PRKN: variants seen among roughly 807,000 people sequenced by gnomAD.
PRKN encodes the protein E3 ubiquitin-protein ligase parkin.
Under a neutral mutation model 59.5 loss-of-function variants are expected in PRKN, and 56 were observed. That is an observed-to-expected ratio of 0.94 (90% CI 0.76 to 1.18). The LOEUF is 1.18. Ranked by LOEUF, PRKN falls within the 50% of genes most tolerant of loss-of-function variation. The probability of loss-of-function intolerance (pLI) is 0.00; values close to 1 mark genes in which losing one functional copy is unlikely to be tolerated. For missense variants in PRKN, 657 were observed against 596.4 expected (o/e 1.10, Z -1.06); for synonymous variants, 250 against 222.1 (o/e 1.13, Z -1.12).
In PRKN at chr6:162,203,759, T is replaced by C. The variant is rs182913109; in HGVS notation, c.413-2507A>G. Among the ~76,000 whole-genome samples the C allele has an allele frequency of 1.7e-3, 254 of 152,294 alleles. 1 individual carries two copies. Among genetic ancestry groups the C allele is most frequent in the African/African-American group, 5.7e-3 (238 of 41,550 alleles). On this transcript the variant is annotated intron_variant, in intron 3 of 11. Coordinates refer to ENST00000366898, the MANE Select transcript of PRKN (RefSeq NM_004562.3). The stretch of plus-strand genomic sequence containing the variant: ...AGTCAATAGCATGAATCTCACCCTT[T>C]CACTTGTTCTTGGACCTTAAAATCC...
Position 162,271,921 on chromosome 6 carries a change from T to G in PRKN, c.172-9156A>C, listed in dbSNP as rs144065418. Among the ~76,000 whole-genome samples the G allele has an allele frequency of 1.1e-3, 170 of 152,372 alleles. 1 individual carries two copies. Among genetic ancestry groups the G allele is most frequent in the African/African-American group, 3.8e-3 (160 of 41,592 alleles). On this transcript the variant is annotated intron_variant, in intron 2 of 11. Transcript: ENST00000366898. ...CATTATGATCAAAAATATTATGCTGTGTAAAGATACTGAAAGGCCCCTTCT... is the reference window on the plus strand; with the variant it reads ...CATTATGATCAAAAATATTATGCTGGGTAAAGATACTGAAAGGCCCCTTCT...
chr6:161,984,360 C>T (rs1052720438), intron 5 of PRKN, among the ~76,000 whole-genome samples: 1 of 152,152 alleles, frequency 6.6e-6, no homozygotes, highest in Non-Finnish European at 1.5e-5. Context: ...TGGGTTCAAG[C>T]AATTCTCCTG....
chr6:162,675,110 G>C (rs757174116), intron 1 of PRKN, among the ~76,000 whole-genome samples: 1 of 145,826 alleles, frequency 6.9e-6, no homozygotes, highest in Non-Finnish European at 1.5e-5. Flanking sequence ...GCAGTGGCGC[G>C]ATCTTGGCTC....
intron 9 of PRKN, among the ~76,000 whole-genome samples, chr6:161,505,243 T>A (rs897675919): frequency 1.1e-4 from 17 of 152,176 alleles, no homozygotes; most frequent in Admixed American, 9.2e-4. Flanking sequence ...GATATCTCAT[T>A]GTGGTTTTGA....
chr6:161,673,127 CCT>C (rs1213398398), intron 7 of PRKN, among the ~76,000 whole-genome samples: 1 of 152,130 alleles, frequency 6.6e-6, no homozygotes, highest in Non-Finnish European at 1.5e-5. Context: ...CCGGCACTCC[CCT>C]GAGGACTAGG....
At chr6:162,475,812 C>G (rs533894841) in intron 1 of PRKN, among the ~76,000 whole-genome samples, 1 of 152,234 alleles carries the variant, frequency 6.6e-6, no homozygotes, top group African/African-American at 2.4e-5. Flanking sequence ...ACTGCAGTGG[C>G]GCAATCTCAG....
chr6:162,459,723 A>G (rs1418949265), intron 1 of PRKN, among the ~76,000 whole-genome samples: 2 of 152,226 alleles, frequency 1.3e-5, no homozygotes, highest in East Asian at 3.8e-4. Context: ...AGATTAATGC[A>G]TAGTATACAG....
intron 4 of PRKN, among the ~76,000 whole-genome samples, chr6:162,077,012 G>A (rs1271569499): frequency 6.6e-6 from 1 of 152,018 alleles, no homozygotes; most frequent in Non-Finnish European, 1.5e-5. Flanking sequence ...CTCTCTGCAT[G>A]ATGAGTGTGT....
chr6:161,391,596 A>T lies in PRKN; in HGVS notation c.1084-4719T>A, dbSNP rs1016924490. Among the ~76,000 whole-genome samples, 1 of 152,084 alleles carries T rather than the reference A, an allele frequency of 6.6e-6. No homozygotes were observed. The highest frequency in any genetic ancestry group is 1.9e-4 in the East Asian group (1 of 5,198). ...TCCCTGTGACGAGAGTTTATGTATT[A>T]ACTTGGCTAGGCTATGGTCCTCAGT... On this transcript the variant is annotated intron_variant, in intron 9 of 11. Transcript: ENST00000366898. This position sits in a 1 kb window ranked among gnomAD's most constrained non-coding sequence, Gnocchi z 4.9.
intron 2 of PRKN, among the ~76,000 whole-genome samples, chr6:162,278,597 A>G (rs749073492): frequency 1.3e-5 from 2 of 152,156 alleles, no homozygotes; most frequent in Non-Finnish European, 2.9e-5. Context: ...CTGCTAAAAA[A>G]TAAATAAATA....
chr6:162,235,116 G>C (rs1583240554), intron 3 of PRKN, among the ~76,000 whole-genome samples: 1 of 152,060 alleles, frequency 6.6e-6, no homozygotes, highest in South Asian at 2.1e-4. Flanking sequence ...GAGGCTTAAG[G>C]GATATTTGTC....
intron 7 of PRKN, among the ~76,000 whole-genome samples, chr6:161,677,998 G>A (rs1268360073): frequency 1.3e-5 from 2 of 152,088 alleles, no homozygotes; most frequent in African/African-American, 4.8e-5. Flanking sequence ...AAATAGTCAA[G>A]GATGATGGTT....
At chr6:162,344,510 G>A (rs1309871295) in intron 2 of PRKN, among the ~76,000 whole-genome samples, 4 of 152,098 alleles carry the variant, frequency 2.6e-5, no homozygotes, top group African/African-American at 9.6e-5. Context: ...GGAAACTAGA[G>A]CAACTGAGCC....
At chr6:162,446,697 T>C (rs764460548) in intron 1 of PRKN, among the ~76,000 whole-genome samples, 1 of 152,190 alleles carries the variant, frequency 6.6e-6, no homozygotes, top group Non-Finnish European at 1.5e-5. Flanking sequence ...AAAAACATCT[T>C]AAGAAACTCA....
rs940829350 is a variant in PRKN at position 161,480,708 on chromosome 6, A to G, written c.1083+68146T>C. ...GTAAGAAAGAGTTAACGTCTAACCC[A>G]TTACATGCTAAGTGAATGTTTTCTC... is the stretch of plus-strand genomic sequence containing the variant. On this transcript the variant is annotated intron_variant, in intron 9 of 11. Coordinates refer to ENST00000366898, the MANE Select transcript of PRKN (RefSeq NM_004562.3). This position sits in a 1 kb window ranked among gnomAD's most constrained non-coding sequence, Gnocchi z 4.1. Among the ~76,000 whole-genome samples, 3 of 152,198 alleles carry G rather than the reference A, an allele frequency of 2.0e-5. No individual in the cohort carries two copies. The highest frequency in any genetic ancestry group is 7.2e-5 in the African/African-American group (3 of 41,444).
intron 5 of PRKN, among the ~76,000 whole-genome samples, chr6:162,042,883 T>C (rs1352953438): frequency 6.6e-6 from 1 of 152,166 alleles, no homozygotes; most frequent in African/African-American, 2.4e-5. Flanking sequence ...ATTGTTAAAA[T>C]AGTTCATTTT....
At chr6:161,928,131 G>A (rs1779034318) in intron 6 of PRKN, among the ~76,000 whole-genome samples, 1 of 152,220 alleles carries the variant, frequency 6.6e-6, no homozygotes, top group Non-Finnish European at 1.5e-5. Context: ...TAAGGAGAAA[G>A]TGGTCTGCAA....
chr6:162,395,695 C>CA (rs559161316), intron 2 of PRKN, among the ~76,000 whole-genome samples: 2,045 of 138,560 alleles, frequency 0.015, 31 homozygotes, highest in African/African-American at 0.049. Flanking sequence ...CCTTTGTTTG[C>CA]AAAAAAAAAA....
chr6:162,573,035 T>G (rs1780413380), intron 1 of PRKN, among the ~76,000 whole-genome samples: 1 of 152,204 alleles, frequency 6.6e-6, no homozygotes, highest in Non-Finnish European at 1.5e-5. Context: ...TCTTAAAAAC[T>G]GTCCTTTAAA....
Sources: allele counts gnomAD v4.1 joint callset (sites outside exome capture counted in the v4.1 genomes callset), GRCh38; gene constraint gnomAD v4.1.1; non-coding constraint Gnocchi (gnomAD v3.1); transcripts MANE v1.5; gene names NCBI Gene and HGNC (gene_info 2026-07-23, HGNC 2026-07-21).